The following ROR1 variants were observed in gnomAD, a reference collection of about 807,000 sequenced individuals.
The protein encoded by ROR1 is ROR family WNT receptor 1.
ROR1 carries 19 observed loss-of-function variants against 78.8 expected under a neutral mutation model. The observed-to-expected ratio is 0.24, with a 90% confidence interval of 0.17 to 0.35. The LOEUF is 0.35. ROR1 is among the 10% of genes least tolerant of loss of function. The probability of loss-of-function intolerance (pLI) is 1.00; values close to 1 mark genes in which losing one functional copy is unlikely to be tolerated. For missense variants in ROR1, 917 were observed against 1,177.8 expected (o/e 0.78, Z 3.24); for synonymous variants, 386 against 433.6 (o/e 0.89, Z 1.36).
At chr1:64,015,698 G>A (rs1646515659) in intron 2 of ROR1, among the ~76,000 whole-genome samples, 1 of 152,134 alleles carries the variant, frequency 6.6e-6, no homozygotes, top group Non-Finnish European at 1.5e-5. Flanking sequence ...CTTGGCACGT[G>A]GCAAGCTGAT....
intron 1 of ROR1, among the ~76,000 whole-genome samples, chr1:63,848,142 T>C (rs776239670): frequency 4.5e-4 from 69 of 152,246 alleles, no homozygotes; most frequent in Non-Finnish European, 9.4e-4. Context: ...CTCTCTGTTA[T>C]TAATAAAGAG....
At chr1:63,836,904 T>C (rs1645021448) in intron 1 of ROR1, among the ~76,000 whole-genome samples, 1 of 152,190 alleles carries the variant, frequency 6.6e-6, no homozygotes, top group Non-Finnish European at 1.5e-5. Context: ...GACAACCACA[T>C]AGAGGTACCT....
chr1:64,065,633 T>A (rs1646950328), intron 4 of ROR1, among the ~76,000 whole-genome samples: 1 of 152,132 alleles, frequency 6.6e-6, no homozygotes, highest in African/African-American at 2.4e-5. Context: ...AGTCCAGTAG[T>A]GGAGGTCACT....
chr1:63,924,144 C>T lies in ROR1; in HGVS notation c.92-85161C>T, dbSNP rs117012420. Among the ~76,000 whole-genome samples, 25 of 152,234 alleles carry T rather than the reference C, an allele frequency of 1.6e-4. No homozygotes were observed. In the East Asian group the frequency reaches 2.7e-3, roughly 17 times the overall value. On this transcript the variant is annotated intron_variant, in intron 1 of 8. Transcript: ENST00000371079. ...CATTTAGAGAACCACCTGACCTCTC[C>T]GTAGAAACTCACCACATTCTCTCCC...
chr1:63,826,933 C>T (rs1644957258), intron 1 of ROR1, among the ~76,000 whole-genome samples: 1 of 151,870 alleles, frequency 6.6e-6, no homozygotes, highest in Non-Finnish European at 1.5e-5. Context: ...CATTTATTGG[C>T]CACATGATAG....
intron 1 of ROR1, among the ~76,000 whole-genome samples, chr1:63,977,970 G>A (rs1646175519): frequency 6.6e-6 from 1 of 152,156 alleles, no homozygotes; most frequent in African/African-American, 2.4e-5. Context: ...TGTTGATCAC[G>A]ATAGTCTGCA....
rs113206332 is a variant in ROR1, at chr1:64,176,499, A to T, written c.1387-929A>T. Among the ~76,000 whole-genome samples the T allele has an allele frequency of 9.5e-4, 7 of 7,382 alleles. No individual in the cohort carries two copies. The Admixed American group carries it at 0.01, about 11-fold the overall frequency. 4.8% of individuals were successfully genotyped at this position (7,382 alleles called of 152,430 possible). On this transcript the variant is annotated intron_variant, in intron 8 of 8. Transcript: ENST00000371079. ...TTTTATAGATGAAGGAATTGAGGCA[A>T]AAGTTAAATGTTGTATCTGGGGTCA...
chr1:64,013,219 C>T (rs549570525), intron 2 of ROR1, among the ~76,000 whole-genome samples: 1 of 152,270 alleles, frequency 6.6e-6, no homozygotes, highest in African/African-American at 2.4e-5. Flanking sequence ...ATTAAAATAT[C>T]ATGCGTACTT....
chr1:63,790,778 A>G (rs1275944816), intron 1 of ROR1, among the ~76,000 whole-genome samples: 1 of 152,102 alleles, frequency 6.6e-6, no homozygotes, highest in Non-Finnish European at 1.5e-5. Context: ...GAATTTTGAA[A>G]GAGGTCTCAT....
intron 1 of ROR1, among the ~76,000 whole-genome samples, chr1:63,868,648 T>C (rs781142139): frequency 6.6e-6 from 1 of 152,186 alleles, no homozygotes; most frequent in Non-Finnish European, 1.5e-5. Flanking sequence ...AAATGGCTGC[T>C]CTTATTATTT....
intron 1 of ROR1, among the ~76,000 whole-genome samples, chr1:63,993,740 T>G (rs1019672108): frequency 2.6e-5 from 4 of 152,222 alleles, no homozygotes; most frequent in Non-Finnish European, 5.9e-5. Flanking sequence ...TTGTGAATTT[T>G]GGATAGCCAT....
chr1:63,918,049 C>T (rs1485140980), intron 1 of ROR1, among the ~76,000 whole-genome samples: 4 of 152,212 alleles, frequency 2.6e-5, no homozygotes, highest in South Asian at 2.1e-4. Flanking sequence ...CCTGCCATCT[C>T]GCAGACTCTT....
intron 1 of ROR1, among the ~76,000 whole-genome samples, chr1:63,909,895 C>G (rs1475068043): frequency 6.6e-6 from 1 of 152,084 alleles, no homozygotes; most frequent in Admixed American, 6.5e-5. Context: ...TGGCGTGCTG[C>G]AAAAAATATG....
chr1:63,893,658 C>T (rs775569683), intron 1 of ROR1, among the ~76,000 whole-genome samples: 3 of 152,008 alleles, frequency 2.0e-5, no homozygotes, highest in Non-Finnish European at 4.4e-5. Context: ...TACAGGCTTC[C>T]GTGTTTCTAA....
At chr1:64,025,555 C>T (rs1646601059) in intron 2 of ROR1, among the ~76,000 whole-genome samples, 1 of 151,918 alleles carries the variant, frequency 6.6e-6, no homozygotes, top group Admixed American at 6.6e-5. Flanking sequence ...AAATGCCCAT[C>T]AATCAATGAG....
chr1:64,033,671 T>C (rs1030630361), intron 2 of ROR1, among the ~76,000 whole-genome samples: 1 of 152,210 alleles, frequency 6.6e-6, no homozygotes, highest in Admixed American at 6.5e-5. Flanking sequence ...CAAACCCTTA[T>C]ATAGAACTTC....
intron 1 of ROR1, among the ~76,000 whole-genome samples, chr1:63,845,217 A>G (rs1414476843): frequency 1.3e-5 from 2 of 152,178 alleles, no homozygotes; most frequent in Non-Finnish European, 2.9e-5. Context: ...AGAACTTTCA[A>G]ATAATTAGAG....
At chr1:63,935,739 T>A (rs767258399) in intron 1 of ROR1, among the ~76,000 whole-genome samples, 21 of 152,218 alleles carry the variant, frequency 1.4e-4, no homozygotes, top group Non-Finnish European at 2.9e-4. Flanking sequence ...AAACAGCAGC[T>A]GGAGCAGGAA....
In ROR1 at chr1:64,177,905, T is replaced by C. The variant is rs55759715; in HGVS notation, c.1864T>C (p.Leu622=). 6.2e-7 allele frequency: 1 copy of C among 1,614,210 alleles called. No individual in the cohort carries two copies. The highest frequency in any genetic ancestry group is 2.2e-5 in the East Asian group (1 of 44,886). The change falls in exon 9 of 9, where the codon TTA becomes CTA. Residue 622 remains leucine, a synonymous_variant. Transcript: ENST00000371079. ...VHKDLAARNI[L]IGEQLHVKIS... is the part of the protein sequence containing the mutation. ...CAAGGACCTTGCAGCTCGCAATATT[T>C]TAATCGGAGAGCAACTTCATGTAAA...
Sources: allele counts gnomAD v4.1 joint callset (sites outside exome capture counted in the v4.1 genomes callset), GRCh38; gene constraint gnomAD v4.1.1; transcripts MANE v1.5; gene names NCBI Gene and HGNC (gene_info 2026-07-23, HGNC 2026-07-21).